The following RPTOR variants were observed in gnomAD, a reference collection of about 807,000 sequenced individuals.
RPTOR encodes the protein regulatory-associated protein of mTOR.
A neutral mutation model predicts 169.9 loss-of-function variants in RPTOR; 21 were observed. The ratio of observed to expected loss-of-function variants is 0.12; its 90% CI spans 0.09 to 0.18. The LOEUF is 0.18. RPTOR is among the 10% of genes least tolerant of loss of function. The pLI, the probability that RPTOR is intolerant of heterozygous loss-of-function variation, is 1.00. For synonymous variants in RPTOR, 732 were observed against 753.2 expected, an observed-to-expected ratio of 0.97 and a Z score of 0.46; for missense variants, 1,133 against 1,855.9, an observed-to-expected ratio of 0.61 and a Z score of 7.16.
At chr17:80,761,484 T>C (rs2066736136) in intron 6 of RPTOR, among the ~76,000 whole-genome samples, 1 of 152,156 alleles carries the variant, frequency 6.6e-6, no homozygotes, top group Non-Finnish European at 1.5e-5. Context: ...AGACGGAAGA[T>C]GCATGGGTTT....
intron 7 of RPTOR, among the ~76,000 whole-genome samples, chr17:80,814,015 G>C (rs1418365698): frequency 6.6e-6 from 1 of 152,106 alleles, no homozygotes; most frequent in African/African-American, 2.4e-5. Flanking sequence ...TGTGCCTGTG[G>C]TCCCAGCTAC....
intron 6 of RPTOR, among the ~76,000 whole-genome samples, chr17:80,764,108 A>T (rs1293770753): frequency 6.7e-6 from 1 of 149,814 alleles, no homozygotes; most frequent in Non-Finnish European, 1.5e-5. Flanking sequence ...TGACCGTATG[A>T]CTTCTTTTGT....
intron 3 of RPTOR, among the ~76,000 whole-genome samples, chr17:80,650,358 T>C (rs903947443): frequency 2.0e-5 from 3 of 152,324 alleles, no homozygotes; most frequent in Non-Finnish European, 4.4e-5. Context: ...CTAGGGAAGA[T>C]TGGTGGAGTC....
rs550103890 is a variant in RPTOR, at chr17:80,825,686, C to T, written c.1136+2463C>T. On this transcript the variant is annotated intron_variant, in intron 9 of 33. Coordinates refer to ENST00000306801, the MANE Select transcript of RPTOR (RefSeq NM_020761.3). ...GCCTGGGGACAGCATCACAAGGGTG[C>T]CTCGCAGCCCCTCTTCCTGACGGTC... Among the ~76,000 whole-genome samples the T allele has an allele frequency of 2.7e-4, 41 of 152,352 alleles. No homozygotes were observed. The South Asian group carries it at 7.7e-3, about 28-fold the overall frequency.
chr17:80,596,011 A>T (rs544950646), intron 1 of RPTOR, among the ~76,000 whole-genome samples: 1 of 152,324 alleles, frequency 6.6e-6, no homozygotes, highest in East Asian at 1.9e-4. Context: ...ATTACCATTT[A>T]AAACTAAAGG....
intron 6 of RPTOR, among the ~76,000 whole-genome samples, chr17:80,772,619 C>T (rs2066856092): frequency 1.3e-5 from 2 of 149,572 alleles, no homozygotes; most frequent in South Asian, 4.3e-4. Context: ...CATTCTCCTG[C>T]GGCAGCTTCA....
rs114007890 is a variant in RPTOR, at chr17:80,857,295, G to A, written c.1399-495G>A. ...CCAGGGCAGGCATCTTTCTCCCAAG[G>A]TGTATCTGAAGTGCAAACATGAGTG... On this transcript the variant is annotated intron_variant, in intron 12 of 33. Coordinates refer to ENST00000306801, the MANE Select transcript of RPTOR (RefSeq NM_020761.3). 4.1e-3 allele frequency among the ~76,000 whole-genome samples: 625 copies of A among 152,348 alleles called. 3 individuals carry two copies. Among genetic ancestry groups the A allele is most frequent in the African/African-American group, 0.014 (579 of 41,576 alleles).
At position 80,681,651 on chromosome 17, in the gene RPTOR, AC is replaced by A. The variant is rs1259241420; in HGVS notation, c.349-26188del. Among the ~76,000 whole-genome samples the A allele has an allele frequency of 5.4e-5, 6 of 110,604 alleles. 3 individuals carry two copies. Among genetic ancestry groups the A allele is most frequent in the African/African-American group, 2.5e-4 (6 of 23,816 alleles). 72.6% of individuals were successfully genotyped at this position (110,604 alleles called of 152,430 possible). On this transcript the variant is annotated intron_variant, in intron 3 of 33. Transcript: ENST00000306801. ...CCTTCATGAGGTGTACGTCTCTTAC[AC>A]CTTCATGAGGTGTACGTCTCTTACA...
At position 80,851,337 on chromosome 17, in the gene RPTOR, C is replaced by T. The variant is rs573627898; in HGVS notation, c.1315-4127C>T. Among the ~76,000 whole-genome samples the T allele has an allele frequency of 4.6e-5, 7 of 152,206 alleles. No individual in the cohort carries two copies. In the East Asian group the frequency reaches 7.7e-4, roughly 17 times the overall value. ...AATTTCCATAGATCGTGGGATGGTC[C>T]GGAACAGGAGGTTTTTGTTTTGTTG... On this transcript the variant is annotated intron_variant, in intron 11 of 33. Transcript: ENST00000306801.
chr17:80,584,727 G>A (rs1402032926), intron 1 of RPTOR, among the ~76,000 whole-genome samples: 3 of 152,186 alleles, frequency 2.0e-5, no homozygotes, highest in Admixed American at 6.5e-5. Flanking sequence ...GAACGTGGAC[G>A]CCATCATGTG....
intron 6 of RPTOR, among the ~76,000 whole-genome samples, chr17:80,780,884 C>G (rs1222715068): frequency 6.6e-6 from 1 of 152,198 alleles, no homozygotes; most frequent in East Asian, 1.9e-4. Context: ...GAGTTTGAGT[C>G]AGTGCATTGA....
intron 9 of RPTOR, among the ~76,000 whole-genome samples, chr17:80,831,331 TC>T (rs2067501311): frequency 6.6e-6 from 1 of 151,978 alleles, no homozygotes; most frequent in African/African-American, 2.4e-5. Context: ...CCTGAGAAAA[TC>T]CCCCTCCAAT....
intron 4 of RPTOR, among the ~76,000 whole-genome samples, chr17:80,709,979 ACTT>A (rs2066173722): frequency 6.7e-6 from 1 of 148,852 alleles, no homozygotes; most frequent in East Asian, 2.0e-4. Context: ...AACTTACAAA[ACTT>A]TTTTTTTTTT....
rs1016127311 is a variant in RPTOR at position 80,961,452 on chromosome 17, C to T, written c.3664C>T (p.Arg1222Cys). 7 of 1,551,310 alleles carry T rather than the reference C, an allele frequency of 4.5e-6. No individual in the cohort carries two copies. Among genetic ancestry groups the T allele is most frequent in the Non-Finnish European group, 6.1e-6 (7 of 1,147,674 alleles). The part of the protein sequence containing the change: ...AWVVKASLQK[R>C]PDGHIVSVSV... ...GGTGGTGAAGGCCTCCCTGCAGAAG[C>T]GTCCCGACGGCCACATCGTGAGTGT... The change falls in exon 31 of 34, where the codon CGT (arginine) becomes TGT (cysteine). Residue 1222 changes from arginine to cysteine, a missense_variant. Physicochemically the swap from Arg to Cys is radical, Grantham distance 180. Around this residue, in one of 9 missense-constraint regions of RPTOR, gnomAD observed 410 missense variants for 623.7 expected, o/e 0.66. Coordinates refer to ENST00000306801, the MANE Select transcript of RPTOR (RefSeq NM_020761.3).
At chr17:80,602,145 C>T (rs1271435551) in intron 1 of RPTOR, among the ~76,000 whole-genome samples, 1 of 67,314 alleles carries the variant, frequency 1.5e-5, no homozygotes, top group Admixed American at 1.1e-4. Context: ...TAGGGGCGGC[C>T]GGGCAGAGGC....
chr17:80,733,359 A>C (rs185071419), intron 5 of RPTOR, among the ~76,000 whole-genome samples: 1 of 152,366 alleles, frequency 6.6e-6, no homozygotes, highest in African/African-American at 2.4e-5. Context: ...TTTATAAATA[A>C]GTATATTTTA....
chr17:80,625,861 C>T, intron 2 of RPTOR, 68 bp downstream of exon 2: 1 of 1,109,984 alleles, frequency 9.0e-7, no homozygotes, highest in Non-Finnish European at 1.4e-6. Flanking sequence ...GCGGGGCTCG[C>T]CAAGCCTGTG....
chr17:80,660,749 AC>A (rs1490743528), intron 3 of RPTOR, among the ~76,000 whole-genome samples: 1 of 152,166 alleles, frequency 6.6e-6, no homozygotes, highest in African/African-American at 2.4e-5. Flanking sequence ...CTCAATGGTA[AC>A]TGACTGCTGG....
chr17:80,928,788 TC>T (rs2068842071), intron 24 of RPTOR, among the ~76,000 whole-genome samples: 1 of 152,214 alleles, frequency 6.6e-6, no homozygotes. Flanking sequence ...TGAATTGTGT[TC>T]TGATTACAAA....
Sources: gnomAD v4.1 joint callset for allele counts (sites outside exome capture counted in the v4.1 genomes callset) on GRCh38, gnomAD v4.1.1 for gene constraint, gnomAD v4.1.1 regional missense constraint, MANE v1.5 for transcripts, NCBI Gene and HGNC (gene_info 2026-07-23, HGNC 2026-07-21) for gene names.